Variants in NBAS observed in about 807,000 individuals in gnomAD.
The protein encoded by NBAS is NBAS subunit of NRZ tethering complex.
NBAS carries 219 observed loss-of-function variants against 302.5 expected under a neutral mutation model. The observed-to-expected ratio is 0.72, with a 90% CI of 0.65 to 0.81. The LOEUF is 0.81. Ranked by LOEUF, NBAS falls within the 30% of genes least tolerant of loss-of-function variation. The pLI is 0.00. For synonymous variants in NBAS, 1,118 were observed against 1,021.6 expected, an observed-to-expected ratio of 1.09 and a Z score of -1.80; for missense variants, 2,932 against 2,841.6, an observed-to-expected ratio of 1.03 and a Z score of -0.72.
chr2:15,168,188 T>A lies in NBAS; in HGVS notation c.6841-865A>T, dbSNP rs372221098. Among the ~76,000 whole-genome samples, 3 of 152,338 alleles carry A rather than the reference T, an allele frequency of 2.0e-5. No individual in the cohort carries two copies. The East Asian group carries it at 5.8e-4, about 29-fold the overall frequency. ...AAACAGATTCCTGACAGGCTTTTCT[T>A]AACGTTACTGTGCCTTTTTAATAAT... On this transcript the variant is annotated intron_variant, in intron 51 of 51. Transcript: ENST00000281513.
the NBAS span, among the ~76,000 whole-genome samples, chr2:14,825,751 T>C: frequency 2.4e-4 from 36 of 152,070 alleles, no homozygotes; most frequent in Non-Finnish European, 5.1e-4. Context: ...AAAGGTAGGG[T>C]TTAGAGGAGT....
chr2:14,923,513 C>T, the NBAS span, among the ~76,000 whole-genome samples: 1 of 152,290 alleles, frequency 6.6e-6, no homozygotes, highest in East Asian at 1.9e-4. Context: ...CCAGCAGTCC[C>T]ATGGTGAACC....
At chr2:14,967,822 A>C in the NBAS span, among the ~76,000 whole-genome samples, 1 of 152,232 alleles carries the variant, frequency 6.6e-6, no homozygotes, top group Non-Finnish European at 1.5e-5. Context: ...AGGGACTTGT[A>C]TGCAGACAGT....
In NBAS at chr2:15,411,024, A is replaced by C. The variant is rs55851718; in HGVS notation, c.2937+4522T>G. Among the ~76,000 whole-genome samples, 405 of 152,262 alleles carry C rather than the reference A, an allele frequency of 2.7e-3. 3 individuals carry two copies. Among genetic ancestry groups the C allele is most frequent in the Non-Finnish European group, 4.1e-3 (276 of 68,034 alleles). On this transcript the variant is annotated intron_variant, in intron 25 of 51. Coordinates refer to ENST00000281513, the MANE Select transcript of NBAS (RefSeq NM_015909.4). ...TACTGTTCAATTTCAGCCTGAGCTAAGGCACTGGCCTGCTTCCTCCTCCTG... is the reference window on the plus strand; with the variant it reads ...TACTGTTCAATTTCAGCCTGAGCTACGGCACTGGCCTGCTTCCTCCTCCTG...
chr2:14,845,308 G>C, the NBAS span, among the ~76,000 whole-genome samples: 1 of 152,182 alleles, frequency 6.6e-6, no homozygotes, highest in Non-Finnish European at 1.5e-5. Context: ...GACCATCAAG[G>C]TGGTACCTCT....
chr2:15,009,697 T>G, the NBAS span, among the ~76,000 whole-genome samples: 111 of 28,594 alleles, frequency 3.9e-3, no homozygotes, highest in Non-Finnish European at 6.9e-3. Context: ...GGAATGCATA[T>G]ATATATATAT....
chr2:15,014,366 G>A, the NBAS span, among the ~76,000 whole-genome samples: 36 of 152,018 alleles, frequency 2.4e-4, no homozygotes, highest in African/African-American at 8.2e-4. Context: ...TCTCCAGAAT[G>A]AAACATATTT....
the NBAS span, among the ~76,000 whole-genome samples, chr2:14,885,785 G>A: frequency 2.0e-5 from 3 of 152,266 alleles, no homozygotes; most frequent in African/African-American, 4.8e-5. Flanking sequence ...CAGCAAGAAC[G>A]TATATCAGGT....
the NBAS span, among the ~76,000 whole-genome samples, chr2:14,904,682 T>C: frequency 6.6e-6 from 1 of 151,722 alleles, no homozygotes. Context: ...GTCAGCTGTA[T>C]ACACTGAACT....
intron 44 of NBAS, among the ~76,000 whole-genome samples, chr2:15,248,540 A>T (rs1414858324): frequency 6.6e-6 from 1 of 152,200 alleles, no homozygotes; most frequent in Non-Finnish European, 1.5e-5. Context: ...TTTTGAAAAG[A>T]TCAACAAAAT....
chr2:15,484,646 CCTT>C (rs1354641360), intron 12 of NBAS, among the ~76,000 whole-genome samples: 1 of 152,150 alleles, frequency 6.6e-6, no homozygotes, highest in Non-Finnish European at 1.5e-5. Context: ...TTCCAATAAT[CCTT>C]CTCCCCAACA....
Position 15,561,250 on chromosome 2 carries a change from C to T in NBAS, c.55G>A (p.Glu19Lys), listed in dbSNP as rs770335179. 6.2e-7 allele frequency: 1 copy of T among 1,614,038 alleles called. No individual in the cohort carries two copies. Among genetic ancestry groups the T allele is most frequent in the South Asian group, 1.1e-5 (1 of 91,076 alleles). Residue 19 changes from glutamate to lysine, a missense_variant, in exon 1 of 52, where the codon GAG becomes AAG. Transcript: ENST00000281513. Reference protein sequence around the residue: ...ALSPGTAEGEEETILYDLLVN... With the variant: ...ALSPGTAEGEKETILYDLLVN... ...AACAAGTCATAGAGAATCGTCTCCTCCTCACCCTCTGCAGTGCCTGGACTC... is the reference window on the plus strand; with the variant it reads ...AACAAGTCATAGAGAATCGTCTCCTTCTCACCCTCTGCAGTGCCTGGACTC...
chr2:15,277,222 C>T, intron 42 of NBAS, 121 bp from the exon 43 acceptor site: 3 of 1,254,478 alleles, frequency 2.4e-6, no homozygotes, highest in Non-Finnish European at 3.3e-6. Context: ...TACTCAAAGA[C>T]AGTAAACCAC....
chr2:15,053,303 T>C, the NBAS span, among the ~76,000 whole-genome samples: 3 of 152,204 alleles, frequency 2.0e-5, no homozygotes, highest in East Asian at 1.9e-4. Context: ...ATACTAACCA[T>C]GAAATAGAAA....
chr2:15,029,545 G>A, the NBAS span, among the ~76,000 whole-genome samples: 2 of 152,158 alleles, frequency 1.3e-5, no homozygotes, highest in Non-Finnish European at 2.9e-5. Context: ...TAAAGGAATC[G>A]GAAGAAACCC....
chr2:15,415,447 G>A (rs1572812953), intron 25 of NBAS, 99 bp downstream of exon 25: 1 of 1,109,532 alleles, frequency 9.0e-7, no homozygotes, highest in Non-Finnish European at 1.4e-6. Flanking sequence ...TGTTTAAAGG[G>A]AAATTATCTG....
At chr2:15,246,845 G>C (rs1418955979) in intron 44 of NBAS, among the ~76,000 whole-genome samples, 2 of 152,184 alleles carry the variant, frequency 1.3e-5, no homozygotes, top group African/African-American at 4.8e-5. Context: ...CTGCCCCTGG[G>C]TATGTCAAAG....
the NBAS span, among the ~76,000 whole-genome samples, chr2:14,988,551 T>C: frequency 4.6e-5 from 7 of 152,184 alleles, no homozygotes; most frequent in African/African-American, 1.7e-4. Context: ...TGTGTCATAG[T>C]TCCAATGACA....
At chr2:15,254,925 T>C (rs181157181) in intron 44 of NBAS, among the ~76,000 whole-genome samples, 11 of 152,074 alleles carry the variant, frequency 7.2e-5, no homozygotes, top group African/African-American at 1.7e-4. Flanking sequence ...TGTGTGTGTG[T>C]GCACACGTGT....
Sources: gnomAD v4.1 joint callset for allele counts (sites outside exome capture counted in the v4.1 genomes callset) on GRCh38, gnomAD v4.1.1 for gene constraint, MANE v1.5 for transcripts, NCBI Gene and HGNC (gene_info 2026-07-23, HGNC 2026-07-21) for gene names.